The following OSR2 variants were observed in gnomAD, a reference collection of about 807,000 sequenced individuals.
OSR2 encodes odd-skipped related transciption factor 2.
In OSR2, 8 loss-of-function variants were observed where a neutral mutation model predicts 22.3. The ratio of observed to expected loss-of-function variants is 0.36; its 90% confidence interval spans 0.21 to 0.65. The LOEUF (loss-of-function observed/expected upper bound fraction) is 0.65, where lower values mean the gene tolerates loss of function less well. Ranked by LOEUF, OSR2 falls within the 30% of genes least tolerant of loss-of-function variation. The pLI, the probability that OSR2 is intolerant of heterozygous loss-of-function variation, is 0.66. For synonymous variants in OSR2, 179 were observed against 173.8 expected (o/e 1.03, Z -0.23); for missense variants, 311 against 413.4 (o/e 0.75, Z 2.15).
intron 1 of OSR2, among the ~76,000 whole-genome samples, chr8:98,946,582 A>G (rs1369805032): frequency 6.6e-6 from 1 of 152,156 alleles, no homozygotes; most frequent in African/African-American, 2.4e-5. Context: ...TTTTACTAAC[A>G]TGAACCTGAA....
chr8:98,950,594 C>A, intron 2 of OSR2, 62 bp from the exon 3 acceptor site: 1 of 1,030,138 alleles, frequency 9.7e-7, no homozygotes, highest in Non-Finnish European at 1.4e-6. Context: ...TAAGTAATTG[C>A]TAAAAGTAAC....
rs146897228 is a variant in OSR2, at chr8:98,945,763, A to G, written c.-115+940A>G. Among the ~76,000 whole-genome samples the G allele has an allele frequency of 4.8e-3, 728 of 152,226 alleles. 2 individuals are homozygous for G. Among genetic ancestry groups the G allele is most frequent in the Non-Finnish European group, 7.7e-3 (522 of 68,018 alleles). ...TGGCCCTAACAATCTGTCCTTTAAC[A>G]ATTTTTTTTCTTTTTAATGATCTTC... On this transcript the variant is annotated intron_variant, in intron 1 of 3. Transcript: ENST00000297565.
chr8:98,945,215 C>G (rs924871276), intron 1 of OSR2, among the ~76,000 whole-genome samples: 1 of 152,200 alleles, frequency 6.6e-6, no homozygotes, highest in Non-Finnish European at 1.5e-5. Context: ...TGGACGGGCC[C>G]GGACACCCGG....
Position 98,949,617 on chromosome 8 carries a change from G to T in OSR2, c.656+9G>T. On this transcript the variant is annotated intron_variant, in intron 2 of 3. Coordinates refer to ENST00000297565, the MANE Select transcript of OSR2 (RefSeq NM_001142462.3). The surrounding 1 kb of genome is among the most constrained non-coding windows in gnomAD (Gnocchi z 5.9). ...CACCTGCGGGATCACAGGTGAGGCG[G>T]GCAAGGAGGATGGCTGGGAGAGGGA... The T allele has an allele frequency of 6.2e-7, 1 of 1,601,428 alleles. No homozygotes were observed. Among genetic ancestry groups the T allele is most frequent in the Non-Finnish European group, 8.5e-7 (1 of 1,172,172 alleles).
rs1840665161 is a variant in OSR2, at chr8:98,948,164, C to T, written c.-114-675C>T. ...ACTTTTCTTTCCTGCGGCCCGTCACCGCTGATAGATGGGGCTGAGGGCAGA... is the reference window on the plus strand; with the variant it reads ...ACTTTTCTTTCCTGCGGCCCGTCACTGCTGATAGATGGGGCTGAGGGCAGA... On this transcript the variant is annotated intron_variant, in intron 1 of 3. Transcript: ENST00000297565. This position sits in a 1 kb window ranked among gnomAD's most constrained non-coding sequence, Gnocchi z 6.0. The T allele has an allele frequency of 2.9e-6, 4 of 1,386,200 alleles. No homozygotes were observed. The highest frequency in any genetic ancestry group is 3.0e-5 in the African/African-American group (2 of 66,780). The allele number at this position is 1,386,200 out of a possible 1,614,324, so 85.9% of individuals were successfully genotyped here. A position where few individuals can be genotyped will look rare whatever the true frequency, so the allele number is the denominator to read the frequency against.
Position 98,948,196 on chromosome 8 carries a change from A to T in OSR2, c.-114-643A>T. The T allele has an allele frequency of 7.1e-7, 1 of 1,412,580 alleles. No homozygotes were observed. Among genetic ancestry groups the T allele is most frequent in the East Asian group, 2.8e-5 (1 of 35,934 alleles). 87.5% of individuals were successfully genotyped at this position (1,412,580 alleles called of 1,614,324 possible). A position where few individuals can be genotyped will look rare whatever the true frequency, so the allele number is the denominator to read the frequency against. Reference sequence around the variant, plus strand: ...AGATGGGGCTGAGGGCAGAGGAAGGAAAAAGAAAACCTCCGAGGTCAGTGC... The same window carrying T: ...AGATGGGGCTGAGGGCAGAGGAAGGTAAAAGAAAACCTCCGAGGTCAGTGC... On this transcript the variant is annotated intron_variant, in intron 1 of 3. Transcript: ENST00000297565. The surrounding 1 kb of genome is among the most constrained non-coding windows in gnomAD (Gnocchi z 6.0).
At position 98,948,850 on chromosome 8, in the gene OSR2, C is replaced by A. The variant is rs765969658; in HGVS notation, c.-103C>A. 8.9e-5 allele frequency: 142 copies of A among 1,602,248 alleles called. No homozygotes were observed. Among genetic ancestry groups the A allele is most frequent in the Non-Finnish European group, 1.2e-4 (140 of 1,175,466 alleles). ...CCTGCCATTTTTAGGGCTTTCTCTA[C>A]GTGCTGTTGTCTCACTGGGTTTTTG... On this transcript the variant is annotated 5_prime_UTR_variant, in exon 2 of 4. Coordinates refer to ENST00000297565, the MANE Select transcript of OSR2 (RefSeq NM_001142462.3). The surrounding 1 kb of genome is among the most constrained non-coding windows in gnomAD (Gnocchi z 6.0).
intron 3 of OSR2, 30 bp downstream of exon 3, chr8:98,950,785 G>A: frequency 6.9e-7 from 1 of 1,447,268 alleles, no homozygotes; most frequent in Non-Finnish European, 9.6e-7. Context: ...TAAAAACAGT[G>A]GCTGGTTCGT....
chr8:98,948,948 G>A lies in OSR2; in HGVS notation c.-5G>A. 1.2e-6 allele frequency: 2 copies of A among 1,613,882 alleles called. No individual in the cohort carries two copies. The highest frequency in any genetic ancestry group is 1.7e-6 in the Non-Finnish European group (2 of 1,179,892). ...GTCCCCTCAGCACCCCCAGCATCCC[G>A]GAAAATGGGGAGCAAGGCTCTGCCA... On this transcript the variant is annotated 5_prime_UTR_variant, in exon 2 of 4. Coordinates refer to ENST00000297565, the MANE Select transcript of OSR2 (RefSeq NM_001142462.3). This position sits in a 1 kb window ranked among gnomAD's most constrained non-coding sequence, Gnocchi z 6.0.
intron 2 of OSR2, among the ~76,000 whole-genome samples, 195 bp from the exon 3 acceptor site, chr8:98,950,461 G>A (rs1462284733): frequency 1.3e-5 from 2 of 152,072 alleles, no homozygotes; most frequent in South Asian, 2.1e-4. Context: ...AAAGCCCGCG[G>A]GCTGGTGAAT....
rs1840790141 is a variant in OSR2, at chr8:98,951,750, C to A, written c.*49C>A. The A allele has an allele frequency of 1.3e-6, 2 of 1,555,950 alleles. No individual in the cohort carries two copies. The highest frequency in any genetic ancestry group is 1.7e-6 in the Non-Finnish European group (2 of 1,150,198). The stretch of plus-strand genomic sequence containing the variant: ...CCGCCGCTGCTCCCCTCCCCAGACA[C>A]CTCTCCACGTCTCCTACCCAGGGGG... On this transcript the variant is annotated 3_prime_UTR_variant, in exon 4 of 4. Coordinates refer to ENST00000297565, the MANE Select transcript of OSR2 (RefSeq NM_001142462.3).
At chr8:98,945,182 G>A (rs1180596710) in intron 1 of OSR2, among the ~76,000 whole-genome samples, 1 of 152,216 alleles carries the variant, frequency 6.6e-6, no homozygotes, top group African/African-American at 2.4e-5. Context: ...GACTTGTCCC[G>A]GGGCAGCCGC....
In OSR2 at chr8:98,951,809, T is replaced by G. The variant is rs1175551437; in HGVS notation, c.*108T>G. On this transcript the variant is annotated 3_prime_UTR_variant, in exon 4 of 4. Coordinates refer to ENST00000297565, the MANE Select transcript of OSR2 (RefSeq NM_001142462.3). Reference sequence around the variant, plus strand: ...CTAGCCCTTCACTGACCCCAGCTCTTCCCTTGCTGCAGCCGCACCTGCAGC... The same window carrying G: ...CTAGCCCTTCACTGACCCCAGCTCTGCCCTTGCTGCAGCCGCACCTGCAGC... 8.8e-7 allele frequency: 1 copy of G among 1,141,408 alleles called. No homozygotes were observed. The highest frequency in any genetic ancestry group is 2.6e-5 in the East Asian group (1 of 38,664). The allele number at this position is 1,141,408 out of a possible 1,614,324, so 70.7% of individuals were successfully genotyped here. A position where few individuals can be genotyped will look rare whatever the true frequency, so the allele number is the denominator to read the frequency against.
Position 98,948,126 on chromosome 8 carries a change from C to A in OSR2, c.-114-713C>A, listed in dbSNP as rs954376838. 7.2e-7 allele frequency: 1 copy of A among 1,384,562 alleles called. No individual in the cohort carries two copies. The highest frequency in any genetic ancestry group is 1.5e-5 in the African/African-American group (1 of 67,086). 85.8% of individuals were successfully genotyped at this position (1,384,562 alleles called of 1,614,324 possible). Reference sequence around the variant, plus strand: ...GGGGGCGATTCTAGGCCGAATCCAGCCCCTGAGGTGTCACTTTTCTTTCCT... The same window carrying A: ...GGGGGCGATTCTAGGCCGAATCCAGACCCTGAGGTGTCACTTTTCTTTCCT... On this transcript the variant is annotated intron_variant, in intron 1 of 3. Coordinates refer to ENST00000297565, the MANE Select transcript of OSR2 (RefSeq NM_001142462.3). The surrounding 1 kb of genome is among the most constrained non-coding windows in gnomAD (Gnocchi z 6.0).
At chr8:98,950,441 A>G (rs765750719) in intron 2 of OSR2, among the ~76,000 whole-genome samples, 6 of 152,188 alleles carry the variant, frequency 3.9e-5, no homozygotes, top group Non-Finnish European at 7.3e-5. Flanking sequence ...GAGGGCGATC[A>G]AGTGTAGATA....
chr8:98,948,258 A>T lies in OSR2; in HGVS notation c.-114-581A>T. 3 of 1,507,284 alleles carry T rather than the reference A, an allele frequency of 2.0e-6. No homozygotes were observed. The highest frequency in any genetic ancestry group is 2.7e-6 in the Non-Finnish European group (3 of 1,129,746). The allele number at this position is 1,507,284 out of a possible 1,614,324, so 93.4% of individuals were successfully genotyped here. A position where few individuals can be genotyped will look rare whatever the true frequency, so the allele number is the denominator to read the frequency against. On this transcript the variant is annotated intron_variant, in intron 1 of 3. Transcript: ENST00000297565. The surrounding 1 kb of genome is among the most constrained non-coding windows in gnomAD (Gnocchi z 6.0). ...AGCCCCTCCCAGGGCCCTCTGGCCC[A>T]GGAGGATGAAGCGCGCCGGCTTCGC...
chr8:98,950,565 T>C (rs1468306288), intron 2 of OSR2, 91 bp from the exon 3 acceptor site: 2 of 772,574 alleles, frequency 2.6e-6, no homozygotes, highest in Non-Finnish European at 4.2e-6. Context: ...GTTTCTTTTG[T>C]TCTTCCACGA....
Position 98,948,223 on chromosome 8 carries a change from G to C in OSR2, c.-114-616G>C, listed in dbSNP as rs1321106869. The C allele has an allele frequency of 3.4e-6, 5 of 1,467,292 alleles. No individual in the cohort carries two copies. Among genetic ancestry groups the C allele is most frequent in the Non-Finnish European group, 4.5e-6 (5 of 1,111,452 alleles). 90.9% of individuals were successfully genotyped at this position (1,467,292 alleles called of 1,614,324 possible). A position where few individuals can be genotyped will look rare whatever the true frequency, so the allele number is the denominator to read the frequency against. ...AAAGAAAACCTCCGAGGTCAGTGCG[G>C]GGCGAGGTGAGCCCCTCCCAGGGCC... On this transcript the variant is annotated intron_variant, in intron 1 of 3. Coordinates refer to ENST00000297565, the MANE Select transcript of OSR2 (RefSeq NM_001142462.3). This position sits in a 1 kb window ranked among gnomAD's most constrained non-coding sequence, Gnocchi z 6.0.
chr8:98,950,633 T>G (rs1290741864), intron 2 of OSR2, 23 bp from the exon 3 acceptor site: 2 of 1,520,144 alleles, frequency 1.3e-6, no homozygotes, highest in Admixed American at 1.7e-5. Context: ...GTTATTTCAA[T>G]GAAACCTTAT....
Sources: gnomAD v4.1 joint callset for allele counts (sites outside exome capture counted in the v4.1 genomes callset) on GRCh38, gnomAD v4.1.1 for gene constraint, Gnocchi (gnomAD v3.1) non-coding constraint, MANE v1.5 for transcripts, NCBI Gene and HGNC (gene_info 2026-07-23, HGNC 2026-07-21) for gene names.